Variants in CEP128 observed in about 807,000 individuals in gnomAD.
CEP128 encodes centrosomal protein 128kDa.
In CEP128, 132 loss-of-function variants were observed where a neutral mutation model predicts 156.7. The observed-to-expected ratio is 0.84, with a 90% CI of 0.73 to 0.97. The LOEUF is 0.97. Among genes scored for constraint, CEP128 ranks in the 50% least tolerant of loss-of-function variants. The pLI, the probability that CEP128 is intolerant of heterozygous loss-of-function variation, is 0.00. For synonymous variants in CEP128, 469 were observed against 448.9 expected, an observed-to-expected ratio of 1.04 and a Z score of -0.57; for missense variants, 1,252 against 1,281.9, an observed-to-expected ratio of 0.98 and a Z score of 0.36.
At chr14:80,813,329 G>T (rs892029491) in intron 13 of CEP128, among the ~76,000 whole-genome samples, 1 of 152,090 alleles carries the variant, frequency 6.6e-6, no homozygotes, top group Non-Finnish European at 1.5e-5. Flanking sequence ...TTTTCTTCCA[G>T]GGTTTTTACA....
chr14:80,629,172 A>C lies in CEP128; in HGVS notation c.2807-48749T>G, dbSNP rs1430279467. On this transcript the variant is annotated intron_variant, in intron 19 of 24. Coordinates refer to ENST00000555265, the MANE Select transcript of CEP128 (RefSeq NM_152446.5). The stretch of plus-strand genomic sequence containing the variant: ...ACTTTGCCATTAGCAACAATTGAAA[A>C]AATGGAGCTGTGTCTTCTCAGTAAG... 4.4e-5 allele frequency among the ~76,000 whole-genome samples: 6 copies of C among 136,784 alleles called. No homozygotes were observed. The East Asian group carries it at 1.3e-3, about 29-fold the overall frequency. The allele number at this position is 136,784 out of a possible 152,430, so 89.7% of individuals were successfully genotyped here.
At chr14:80,893,966 C>T (rs1410248024) in intron 8 of CEP128, among the ~76,000 whole-genome samples, 2 of 151,826 alleles carry the variant, frequency 1.3e-5, no homozygotes, top group Non-Finnish European at 2.9e-5. Context: ...TAAACATTCA[C>T]ATGAAATGTA....
chr14:80,531,448 A>G (rs1050492813), intron 21 of CEP128, among the ~76,000 whole-genome samples: 3 of 152,230 alleles, frequency 2.0e-5, no homozygotes, highest in Non-Finnish European at 4.4e-5. Context: ...TAAGTCAATA[A>G]CTTATTACAC....
Position 80,785,419 on chromosome 14 carries a change from T to C in CEP128, c.1687A>G (p.Lys563Glu). 2 of 1,614,092 alleles carry C rather than the reference T, an allele frequency of 1.2e-6. No homozygotes were observed. The highest frequency in any genetic ancestry group is 1.7e-6 in the Non-Finnish European group (2 of 1,179,992). Reference protein sequence around the residue: ...RALQEEELHSKEEKLRDIKSH... With the variant: ...RALQEEELHSEEEKLRDIKSH... ...TTAATATCACGTAATTTCTCCTCCT[T>C]GGAGTGAAGCTCCTCCTCCTGAAGG... The change falls in exon 15 of 25, where the codon AAG becomes GAG. Residue 563 changes from lysine to glutamate, a missense_variant. Coordinates refer to ENST00000555265, the MANE Select transcript of CEP128 (RefSeq NM_152446.5).
In CEP128 at chr14:80,811,818, T is replaced by TTAGATAGATAGATACA. The variant is rs1555350872; in HGVS notation, c.1210-18709_1210-18708insTGTATCTATCTATCTA. Among the ~76,000 whole-genome samples the TTAGATAGATAGATACA allele has an allele frequency of 3.3e-5, 5 of 149,516 alleles. 1 individual carries two copies. In the South Asian group the frequency reaches 8.6e-4, roughly 26 times the overall value. On this transcript the variant is annotated intron_variant, in intron 13 of 24. Transcript: ENST00000555265. Reference sequence around the variant, plus strand: ...GTGTGTGTGTGTGCACACGCATGTATTAGATAGATAGATAGATAGATAGAT... The same window carrying TTAGATAGATAGATACA: ...GTGTGTGTGTGTGCACACGCATGTATTAGATAGATAGATACATAGATAGATAGATAGATAGATAGAT...
intron 23 of CEP128, among the ~76,000 whole-genome samples, chr14:80,513,290 C>G (rs139215545): frequency 1.3e-5 from 2 of 152,274 alleles, no homozygotes; most frequent in African/African-American, 4.8e-5. Flanking sequence ...TTAAATATGT[C>G]ATGCCTGCCT....
chr14:80,485,980 A>G (rs1201699026), downstream of CEP128, among the ~76,000 whole-genome samples: 1 of 152,222 alleles, frequency 6.6e-6, no homozygotes, highest in East Asian at 1.9e-4. Context: ...ACACAGTTTG[A>G]GGAGCTATGC....
intron 2 of CEP128, among the ~76,000 whole-genome samples, chr14:80,922,637 C>T (rs565004721): frequency 2.3e-3 from 344 of 152,008 alleles, no homozygotes; most frequent in Non-Finnish European, 3.8e-3. Flanking sequence ...TAATTTGAAG[C>T]GCAAAGACGA....
chr14:80,526,534 A>C (rs1888980513), intron 23 of CEP128: 1 of 184,508 alleles, frequency 5.4e-6, no homozygotes, highest in South Asian at 1.3e-4. Flanking sequence ...AGCTAGACTT[A>C]TACATAGAAG....
At chr14:80,592,477 C>T (rs762365885) in intron 19 of CEP128, among the ~76,000 whole-genome samples, 10 of 152,180 alleles carry the variant, frequency 6.6e-5, no homozygotes, top group Non-Finnish European at 1.2e-4. Flanking sequence ...CCTGAATAGG[C>T]CAATAACAAG....
At chr14:80,609,768 G>T (rs574312875) in intron 19 of CEP128, among the ~76,000 whole-genome samples, 2 of 151,496 alleles carry the variant, frequency 1.3e-5, no homozygotes, top group Non-Finnish European at 2.9e-5. Flanking sequence ...GCAATAAGAA[G>T]GAAACACCTG....
intron 19 of CEP128, among the ~76,000 whole-genome samples, chr14:80,589,835 G>A (rs1891974085): frequency 6.6e-6 from 1 of 151,984 alleles, no homozygotes; most frequent in Admixed American, 6.6e-5. Context: ...TTAAAATAAT[G>A]ACAACATCTA....
chr14:80,802,326 G>T (rs1171077587), intron 13 of CEP128, among the ~76,000 whole-genome samples: 1 of 152,062 alleles, frequency 6.6e-6, no homozygotes, highest in Non-Finnish European at 1.5e-5. Flanking sequence ...AGAAAATATG[G>T]TATATATACA....
At chr14:80,626,388 C>T (rs908940159) in intron 19 of CEP128, among the ~76,000 whole-genome samples, 15 of 145,510 alleles carry the variant, frequency 1.0e-4, no homozygotes, top group African/African-American at 3.4e-4. Context: ...GGCGTGAACC[C>T]GGGAAGCGGA....
At chr14:80,773,497 A>G (rs949748005) in intron 16 of CEP128, among the ~76,000 whole-genome samples, 5 of 152,176 alleles carry the variant, frequency 3.3e-5, no homozygotes, top group African/African-American at 9.6e-5. Flanking sequence ...TCAAAATTAA[A>G]ATCAATTTTT....
chr14:80,753,877 T>A (rs1183427134), intron 18 of CEP128, among the ~76,000 whole-genome samples: 1 of 152,218 alleles, frequency 6.6e-6, no homozygotes, highest in African/African-American at 2.4e-5. Flanking sequence ...ACATCTCTCA[T>A]CATGTGTATG....
intron 19 of CEP128, among the ~76,000 whole-genome samples, chr14:80,638,548 C>A (rs1894283787): frequency 6.6e-6 from 1 of 152,158 alleles, no homozygotes; most frequent in Admixed American, 6.5e-5. Flanking sequence ...ACTTTGCTGA[C>A]CCCTCATCCC....
chr14:80,766,094 T>C (rs370424963), intron 16 of CEP128, among the ~76,000 whole-genome samples: 2 of 152,184 alleles, frequency 1.3e-5, no homozygotes, highest in Admixed American at 6.5e-5. Context: ...TGAACATGCA[T>C]AATATCCCAA....
chr14:80,558,109 A>G (rs112077875), intron 21 of CEP128, among the ~76,000 whole-genome samples: 1 of 152,188 alleles, frequency 6.6e-6, no homozygotes, highest in African/African-American at 2.4e-5. Context: ...CACTGTTGTG[A>G]GTTTTGCTTA....
Sources: gnomAD v4.1 joint callset for allele counts (sites outside exome capture counted in the v4.1 genomes callset) on GRCh38, gnomAD v4.1.1 for gene constraint, MANE v1.5 for transcripts, NCBI Gene and HGNC (gene_info 2026-07-23, HGNC 2026-07-21) for gene names.